The following ZSWIM6 variants were observed in gnomAD, a reference collection of about 807,000 sequenced individuals.
ZSWIM6 encodes zinc finger SWIM domain-containing protein 6.
ZSWIM6 carries 9 observed loss-of-function variants against 113.2 expected under a neutral mutation model. The observed-to-expected ratio is 0.08, with a 90% confidence interval of 0.05 to 0.14. ZSWIM6 has a LOEUF of 0.14. ZSWIM6 is among the 10% of genes least tolerant of loss of function. The pLI, the probability that ZSWIM6 is intolerant of heterozygous loss-of-function variation, is 1.00. For missense variants in ZSWIM6, 1,162 were observed against 1,552.2 expected, an observed-to-expected ratio of 0.75 and a Z score of 4.22; for synonymous variants, 611 against 606.5, an observed-to-expected ratio of 1.01 and a Z score of -0.11.
intron 12 of ZSWIM6, among the ~76,000 whole-genome samples, chr5:61,540,646 GTTTT>G (rs1214037023): frequency 6.6e-6 from 1 of 151,966 alleles, no homozygotes; most frequent in Non-Finnish European, 1.5e-5. Context: ...TGGTTCAGAA[GTTTT>G]TTGTTTTTTT....
chr5:61,383,122 T>C (rs529951446), intron 1 of ZSWIM6, among the ~76,000 whole-genome samples: 77 of 152,376 alleles, frequency 5.1e-4, no homozygotes, highest in African/African-American at 1.8e-3. Flanking sequence ...AGTGATCATC[T>C]TACTTGAAAA....
At position 61,543,430 on chromosome 5, in the gene ZSWIM6, T is replaced by C. The variant is rs1749796159; in HGVS notation, c.2786-25T>C. The C allele has an allele frequency of 6.5e-7, 1 of 1,536,126 alleles. No individual in the cohort carries two copies. Among genetic ancestry groups the C allele is most frequent in the Non-Finnish European group, 8.8e-7 (1 of 1,138,724 alleles). ...CTCTGGGCAGCCTCCTCGTCAGTAA[T>C]AGAGCCTGTTTGTGTTCCTTGCAGG... On this transcript the variant is annotated intron_variant, in intron 13 of 13. Coordinates refer to ENST00000252744, the MANE Select transcript of ZSWIM6 (RefSeq NM_020928.2). This position sits in a 1 kb window ranked among gnomAD's most constrained non-coding sequence, Gnocchi z 4.3.
At chr5:61,388,322 C>T (rs1745632193) in intron 1 of ZSWIM6, among the ~76,000 whole-genome samples, 1 of 152,074 alleles carries the variant, frequency 6.6e-6, no homozygotes, top group Non-Finnish European at 1.5e-5. Flanking sequence ...TTGTAAAAGT[C>T]TATACTCTAG....
chr5:61,385,845 C>T (rs1360994645), intron 1 of ZSWIM6, among the ~76,000 whole-genome samples: 1 of 152,150 alleles, frequency 6.6e-6, no homozygotes, highest in East Asian at 1.9e-4. Context: ...GAGGCAAACA[C>T]CCCAGACTGT....
intron 4 of ZSWIM6, among the ~76,000 whole-genome samples, chr5:61,516,155 T>G (rs575710782): frequency 6.6e-6 from 1 of 151,880 alleles, no homozygotes; most frequent in Admixed American, 6.6e-5. Context: ...CATTTATATT[T>G]TATATAATTA....
intron 1 of ZSWIM6, among the ~76,000 whole-genome samples, chr5:61,409,615 T>C (rs1746115453): frequency 6.6e-6 from 1 of 152,238 alleles, no homozygotes; most frequent in African/African-American, 2.4e-5. Context: ...ATTTTACTTT[T>C]AAAAACATTT....
intron 3 of ZSWIM6, 108 bp from the exon 4 acceptor site, chr5:61,494,152 A>ACG: frequency 5.0e-6 from 6 of 1,209,576 alleles, no homozygotes; most frequent in Non-Finnish European, 7.0e-6. Flanking sequence ...ACACGGAGAG[A>ACG]GAGAGAGAGA....
intron 1 of ZSWIM6, among the ~76,000 whole-genome samples, chr5:61,466,750 CA>C (rs1197507178): frequency 1.3e-5 from 2 of 151,918 alleles, no homozygotes; most frequent in Non-Finnish European, 2.9e-5. Flanking sequence ...ACAAAATGGC[CA>C]ACTTTTAGAA....
intron 1 of ZSWIM6, among the ~76,000 whole-genome samples, chr5:61,444,572 T>C (rs1406423193): frequency 1.3e-5 from 2 of 152,172 alleles, no homozygotes; most frequent in South Asian, 2.1e-4. Context: ...GGTAAGACTT[T>C]CATAAACCTT....
intron 1 of ZSWIM6, among the ~76,000 whole-genome samples, chr5:61,338,804 T>C (rs1266068861): frequency 1.3e-5 from 2 of 152,120 alleles, no homozygotes; most frequent in African/African-American, 4.8e-5. Context: ...ATCCTCATTA[T>C]TTTTTTTCCA....
intron 2 of ZSWIM6, among the ~76,000 whole-genome samples, chr5:61,481,697 C>T (rs1308872304): frequency 6.6e-6 from 1 of 151,896 alleles, no homozygotes; most frequent in Non-Finnish European, 1.5e-5. Flanking sequence ...ACGCCAAAGA[C>T]TTAGATAGTG....
chr5:61,492,458 T>C (rs1748206353), intron 3 of ZSWIM6, among the ~76,000 whole-genome samples: 1 of 152,130 alleles, frequency 6.6e-6, no homozygotes. Flanking sequence ...GCTGTTCCCC[T>C]TGTCCATTGG....
intron 4 of ZSWIM6, among the ~76,000 whole-genome samples, chr5:61,496,378 A>G (rs1748315615): frequency 6.6e-6 from 1 of 152,176 alleles, no homozygotes; most frequent in South Asian, 2.1e-4. Flanking sequence ...AGTAACAGTA[A>G]GTAGCACATC....
At chr5:61,422,510 G>C (rs548999693) in intron 1 of ZSWIM6, among the ~76,000 whole-genome samples, 4 of 152,070 alleles carry the variant, frequency 2.6e-5, no homozygotes, top group Non-Finnish European at 5.9e-5. Flanking sequence ...TATTCCTCCA[G>C]TTTTGTTCTT....
intron 1 of ZSWIM6, among the ~76,000 whole-genome samples, chr5:61,418,610 T>G (rs1746299554): frequency 6.6e-6 from 1 of 151,928 alleles, no homozygotes; most frequent in Non-Finnish European, 1.5e-5. Flanking sequence ...TCTAGATGAG[T>G]GAGGGGTCAA....
chr5:61,368,174 A>G (rs910803992), intron 1 of ZSWIM6, among the ~76,000 whole-genome samples: 3 of 152,196 alleles, frequency 2.0e-5, no homozygotes, highest in East Asian at 1.9e-4. Flanking sequence ...GTGAGGATTC[A>G]GTGAGATTTC....
chr5:61,337,269 A>G (rs1364535537), intron 1 of ZSWIM6, among the ~76,000 whole-genome samples: 1 of 147,722 alleles, frequency 6.8e-6, no homozygotes, highest in Non-Finnish European at 1.5e-5. Context: ...ACAGAGCGAG[A>G]TTCCGTCTCC....
intron 8 of ZSWIM6, among the ~76,000 whole-genome samples, chr5:61,530,474 C>G (rs983527622): frequency 7.2e-5 from 11 of 152,298 alleles, no homozygotes; most frequent in Middle Eastern, 6.8e-3. Context: ...AATTTATCCA[C>G]ATTTATGACT....
intron 1 of ZSWIM6, among the ~76,000 whole-genome samples, chr5:61,417,792 A>C (rs1746285961): frequency 6.6e-6 from 1 of 152,196 alleles, no homozygotes; most frequent in Non-Finnish European, 1.5e-5. Context: ...GAATGGGTAG[A>C]TTGTTTATCT....
Sources: gnomAD v4.1 joint callset for allele counts (sites outside exome capture counted in the v4.1 genomes callset) on GRCh38, gnomAD v4.1.1 for gene constraint, Gnocchi (gnomAD v3.1) non-coding constraint, MANE v1.5 for transcripts, NCBI Gene and HGNC (gene_info 2026-07-23, HGNC 2026-07-21) for gene names.